The following CHL1 variants were observed in gnomAD, a reference collection of about 807,000 sequenced individuals.
The protein encoded by CHL1 is cell adhesion molecule L1 like, also known as neural cell adhesion molecule L1-like protein.
CHL1 carries 96 observed loss-of-function variants against 141.9 expected under a neutral mutation model. The ratio of observed to expected loss-of-function variants is 0.68; its 90% CI spans 0.57 to 0.80. The LOEUF (loss-of-function observed/expected upper bound fraction) is 0.80. Ranked by LOEUF, CHL1 falls within the 30% of genes least tolerant of loss-of-function variation. The pLI, the probability that CHL1 is intolerant of heterozygous loss-of-function variation, is 0.00. For missense variants in CHL1, 1,820 were observed against 1,457.2 expected (o/e 1.25, Z -4.05); for synonymous variants, 613 against 502.2 (o/e 1.22, Z -2.95).
At chr3:323,434 T>C (rs186386969) in intron 3 of CHL1, among the ~76,000 whole-genome samples, 112 of 152,186 alleles carry the variant, frequency 7.4e-4, no homozygotes, top group African/African-American at 2.5e-3. Context: ...TTTTTCCAAA[T>C]GAAAGCTCCA....
rs184044730 is a variant in CHL1, at chr3:405,458, G to T, written c.3459-37G>T. The T allele has an allele frequency of 2.3e-4, 302 of 1,341,504 alleles. 1 individual carries two copies. In the African/African-American group the frequency reaches 3.7e-3, roughly 16 times the overall value. The allele number at this position is 1,341,504 out of a possible 1,614,324, so 83.1% of individuals were successfully genotyped here. ...TTGCTTTACATGAATATTAATATTAGATTTTGTTGAGCTATTTTTGTTTGT... is the reference window on the plus strand; with the variant it reads ...TTGCTTTACATGAATATTAATATTATATTTTGTTGAGCTATTTTTGTTTGT... On this transcript the variant is annotated intron_variant, in intron 27 of 27. Transcript: ENST00000256509.
rs537984689 is a variant in CHL1 at position 261,213 on chromosome 3, G to T, written c.-95+16521G>T. Among the ~76,000 whole-genome samples, 22 of 152,136 alleles carry T rather than the reference G, an allele frequency of 1.4e-4. 1 individual carries two copies. The South Asian group carries it at 4.6e-3, about 32-fold the overall frequency. On this transcript the variant is annotated intron_variant, in intron 2 of 27. Transcript: ENST00000256509. ...AAATTACTTAGTGAAGCCAGCCCCT[G>T]ATCTGTTTAGCATCATGTTTACTAA... is the stretch of plus-strand genomic sequence containing the variant.
rs756748567 is a variant in CHL1 at position 342,061 on chromosome 3, A to G, written c.658A>G (p.Met220Val). The change falls in exon 7 of 28, where the codon ATG becomes GTG. Residue 220 changes from methionine to valine, a missense_variant. Met to Val is a conservative substitution (Grantham distance 21). Transcript: ENST00000256509. ...AAGGACTATTGTACAGAAAATGCCAATGAAACTAACAGTTAACAGTTGTAA... is the reference window on the plus strand; with the variant it reads ...AAGGACTATTGTACAGAAAATGCCAGTGAAACTAACAGTTAACAGTTGTAA... Reference protein sequence around the residue: ...RLRTIVQKMPMKLTVNSLKHA... With the variant: ...RLRTIVQKMPVKLTVNSLKHA... The G allele has an allele frequency of 8.1e-6, 13 of 1,611,570 alleles. No homozygotes were observed. The highest frequency in any genetic ancestry group is 1.7e-5 in the Admixed American group (1 of 59,920).
chr3:239,020 T>A (rs1040048523), intron 1 of CHL1, among the ~76,000 whole-genome samples: 6 of 152,052 alleles, frequency 3.9e-5, no homozygotes, highest in African/African-American at 1.2e-4. Flanking sequence ...GTAGCTTATA[T>A]AGCAGCTGTC....
chr3:328,523 G>A (rs970395287), intron 5 of CHL1, 169 bp downstream of exon 5: 8 of 491,330 alleles, frequency 1.6e-5, no homozygotes, highest in East Asian at 1.3e-4. Flanking sequence ...ACTTAAAATC[G>A]GATGACCTTA....
intron 1 of CHL1, among the ~76,000 whole-genome samples, chr3:199,742 A>G (rs913168696): frequency 2.0e-4 from 30 of 152,338 alleles, no homozygotes; most frequent in African/African-American, 6.5e-4. Context: ...TGCTAGATAG[A>G]AACCTGATTT....
intron 2 of CHL1, among the ~76,000 whole-genome samples, chr3:250,703 G>A (rs982948305): frequency 6.6e-6 from 1 of 152,002 alleles, no homozygotes; most frequent in African/African-American, 2.4e-5. Flanking sequence ...GCATATTTTG[G>A]GGTGTCATAT....
intron 16 of CHL1, among the ~76,000 whole-genome samples, chr3:379,416 C>T (rs1408450168): frequency 6.6e-6 from 1 of 152,028 alleles, no homozygotes; most frequent in Non-Finnish European, 1.5e-5. Flanking sequence ...TCTTTACAAG[C>T]AGAAAGGTTT....
intron 23 of CHL1, among the ~76,000 whole-genome samples, chr3:392,028 T>C (rs1708269188): frequency 6.6e-6 from 1 of 152,232 alleles, no homozygotes; most frequent in Admixed American, 6.5e-5. Context: ...TATTTATATA[T>C]GTCTACAGCT....
chr3:341,848 A>G lies in CHL1; in HGVS notation c.509-64A>G, dbSNP rs1286278512. On this transcript the variant is annotated intron_variant, in intron 6 of 27. Transcript: ENST00000256509. ...GAAATAATAATGTAAAAGAAAATGA[A>G]AAAGGAAGATGAAGCACAGTAAGGG... The G allele has an allele frequency of 2.1e-5, 27 of 1,292,256 alleles. 1 individual carries two copies. Among genetic ancestry groups the G allele is most frequent in the Non-Finnish European group, 2.7e-5 (26 of 959,324 alleles). The allele number at this position is 1,292,256 out of a possible 1,614,324, so 80.0% of individuals were successfully genotyped here. A position where few individuals can be genotyped will look rare whatever the true frequency, so the allele number is the denominator to read the frequency against.
chr3:210,864 G>C lies in CHL1; in HGVS notation c.-175+13801G>C, dbSNP rs111862985. Among the ~76,000 whole-genome samples the C allele has an allele frequency of 7.5e-3, 1,139 of 152,316 alleles. 10 individuals carry two copies. The highest frequency in any genetic ancestry group is 0.026 in the African/African-American group (1,100 of 41,564). On this transcript the variant is annotated intron_variant, in intron 1 of 27. Transcript: ENST00000256509. ...TGACTGTGAGAAAGAAGAGTGATGT[G>C]AGAGTGAACTTTGGCAAGGCTGAAG...
At chr3:239,600 A>ATATATATG (rs1559319508) in intron 1 of CHL1, among the ~76,000 whole-genome samples, 2 of 136,468 alleles carry the variant, frequency 1.5e-5, no homozygotes, top group African/African-American at 5.5e-5. Context: ...TATATAAAAT[A>ATATATATG]TATATATTTT....
At chr3:256,857 A>G (rs548136223) in intron 2 of CHL1, among the ~76,000 whole-genome samples, 40 of 152,348 alleles carry the variant, frequency 2.6e-4, no homozygotes, top group Middle Eastern at 3.4e-3. Context: ...TGAATCAGAC[A>G]ACATTATTTT....
At chr3:275,348 C>A (rs918810536) in intron 2 of CHL1, among the ~76,000 whole-genome samples, 1 of 152,170 alleles carries the variant, frequency 6.6e-6, no homozygotes, top group Non-Finnish European at 1.5e-5. Flanking sequence ...GAAAAGAAAC[C>A]ACTCATTTGC....
At chr3:339,037 G>C (rs959847677) in intron 5 of CHL1, among the ~76,000 whole-genome samples, 2 of 152,114 alleles carry the variant, frequency 1.3e-5, no homozygotes, top group East Asian at 3.8e-4. Flanking sequence ...TTATCGAAGT[G>C]GATTACATGC....
chr3:355,189 G>A (rs1372569177), intron 11 of CHL1, among the ~76,000 whole-genome samples: 7 of 152,128 alleles, frequency 4.6e-5, no homozygotes, highest in Non-Finnish European at 5.9e-5. Flanking sequence ...CCTGGGCTCT[G>A]CCCTTTTAAG....
intron 1 of CHL1, among the ~76,000 whole-genome samples, chr3:200,253 T>C (rs1182655053): frequency 6.6e-6 from 1 of 152,200 alleles, no homozygotes; most frequent in African/African-American, 2.4e-5. Flanking sequence ...CCTAAAAATC[T>C]AGCAGCAATG....
At chr3:224,524 CCT>C (rs1473989740) in intron 1 of CHL1, among the ~76,000 whole-genome samples, 1 of 151,870 alleles carries the variant, frequency 6.6e-6, no homozygotes, top group East Asian at 1.9e-4. Flanking sequence ...GTAGGTGGCT[CCT>C]CCCCAACTAA....
intron 2 of CHL1, among the ~76,000 whole-genome samples, chr3:244,918 C>T (rs1693016820): frequency 6.6e-6 from 1 of 151,978 alleles, no homozygotes; most frequent in Non-Finnish European, 1.5e-5. Flanking sequence ...AAGAGCAAAA[C>T]CCTTACCTTA....
Sources: gnomAD v4.1 joint callset for allele counts (sites outside exome capture counted in the v4.1 genomes callset) on GRCh38, gnomAD v4.1.1 for gene constraint, MANE v1.5 for transcripts, NCBI Gene and HGNC (gene_info 2026-07-23, HGNC 2026-07-21) for gene names.